Variants in KCNH8 observed in about 807,000 individuals in gnomAD.
KCNH8 encodes voltage-gated delayed rectifier potassium channel KCNH8.
In KCNH8, 70 loss-of-function variants were observed where a neutral mutation model predicts 103.6. The ratio of observed to expected loss-of-function variants is 0.68; its 90% CI spans 0.56 to 0.82. The LOEUF (loss-of-function observed/expected upper bound fraction) is 0.82. Among genes scored for constraint, KCNH8 ranks in the 40% least tolerant of loss-of-function variants. The probability of loss-of-function intolerance (pLI) is 0.00; values close to 1 mark genes in which losing one functional copy is unlikely to be tolerated. For synonymous variants in KCNH8, 498 were observed against 489.4 expected (o/e 1.02, Z -0.23); for missense variants, 1,217 against 1,329.9 (o/e 0.92, Z 1.32).
intron 8 of KCNH8, among the ~76,000 whole-genome samples, chr3:19,443,790 A>G (rs2067319088): frequency 6.6e-6 from 1 of 152,038 alleles, no homozygotes; most frequent in African/African-American, 2.4e-5. Flanking sequence ...GAAATAAAAT[A>G]TAAAAAATGA....
intron 3 of KCNH8, among the ~76,000 whole-genome samples, chr3:19,300,151 A>AG (rs1353056332): frequency 6.6e-6 from 1 of 151,964 alleles, no homozygotes; most frequent in Non-Finnish European, 1.5e-5. Context: ...CGGGAGGCTG[A>AG]GGCAGGAGAA....
At chr3:19,496,651 T>C (rs2068447646) in intron 11 of KCNH8, among the ~76,000 whole-genome samples, 1 of 152,176 alleles carries the variant, frequency 6.6e-6, no homozygotes, top group Non-Finnish European at 1.5e-5. Context: ...CCTGAAGTTT[T>C]CTTTTTTTGT....
At chr3:19,306,939 C>A (rs1659865934) in intron 3 of KCNH8, among the ~76,000 whole-genome samples, 1 of 151,908 alleles carries the variant, frequency 6.6e-6, no homozygotes, top group African/African-American at 2.4e-5. Flanking sequence ...AAGAAGAAAC[C>A]TGGCAGTATT....
intron 12 of KCNH8, among the ~76,000 whole-genome samples, chr3:19,511,574 A>G (rs1425566792): frequency 6.6e-6 from 1 of 152,184 alleles, no homozygotes; most frequent in Non-Finnish European, 1.5e-5. Context: ...CAACGATGCT[A>G]GTATACAAAT....
intron 2 of KCNH8, 97 bp downstream of exon 2, chr3:19,253,984 C>G: frequency 5.2e-6 from 4 of 772,834 alleles, no homozygotes; most frequent in East Asian, 2.6e-5. Flanking sequence ...GGCTTAATGG[C>G]ATTTCACATA....
At chr3:19,288,105 T>A (rs1049919150) in intron 3 of KCNH8, among the ~76,000 whole-genome samples, 2 of 151,098 alleles carry the variant, frequency 1.3e-5, no homozygotes, top group African/African-American at 4.9e-5. Flanking sequence ...ATAGTAAGTG[T>A]CCTTCCCTTA....
chr3:19,299,536 C>T (rs941736157), intron 3 of KCNH8, among the ~76,000 whole-genome samples: 5 of 152,084 alleles, frequency 3.3e-5, no homozygotes, highest in Admixed American at 3.3e-4. Flanking sequence ...ATATAATTTT[C>T]ATTTCCAAAT....
chr3:19,379,058 A>AGT (rs373243299), intron 5 of KCNH8, among the ~76,000 whole-genome samples: 160 of 152,282 alleles, frequency 1.1e-3, no homozygotes, highest in African/African-American at 3.8e-3. Flanking sequence ...GCAGCTTTGG[A>AGT]GTGTGTATTT....
chr3:19,308,896 T>G (rs2065175139), intron 3 of KCNH8, among the ~76,000 whole-genome samples: 1 of 151,314 alleles, frequency 6.6e-6, no homozygotes, highest in African/African-American at 2.4e-5. Context: ...GGATTAAATT[T>G]AATCTGTTTT....
rs2066907317 is a variant in KCNH8, at chr3:19,419,187, TGG to T, written c.1178-18976_1178-18975del. Reference sequence around the variant, plus strand: ...TAGTCACAAAAAGAAGTAATTAAAATGGTTTTGGTTTTTTTTTTTTTTTTTTT... The same window carrying T: ...TAGTCACAAAAAGAAGTAATTAAAATTTTTGGTTTTTTTTTTTTTTTTTTT... On this transcript the variant is annotated intron_variant, in intron 7 of 15. Transcript: ENST00000328405. 6.6e-5 allele frequency among the ~76,000 whole-genome samples: 8 copies of T among 121,222 alleles called. 1 individual carries two copies. The South Asian group carries it at 1.1e-3, about 16-fold the overall frequency. 79.5% of individuals were successfully genotyped at this position (121,222 alleles called of 152,430 possible).
chr3:19,245,367 A>C (rs988757087), intron 1 of KCNH8, among the ~76,000 whole-genome samples: 1 of 152,192 alleles, frequency 6.6e-6, no homozygotes, highest in African/African-American at 2.4e-5. Context: ...ATAGCCTTAT[A>C]GCATACTTTG....
intron 11 of KCNH8, among the ~76,000 whole-genome samples, chr3:19,472,660 C>G (rs2067887392): frequency 6.6e-6 from 1 of 152,086 alleles, no homozygotes; most frequent in Non-Finnish European, 1.5e-5. Context: ...TTTTCAGCAG[C>G]ATGAAAATGG....
chr3:19,463,761 C>A (rs1242652569), intron 11 of KCNH8, among the ~76,000 whole-genome samples: 1 of 151,986 alleles, frequency 6.6e-6, no homozygotes, highest in Non-Finnish European at 1.5e-5. Context: ...ATTTTACATA[C>A]AGGTCTATAA....
chr3:19,523,794 T>C (rs1006606377), intron 15 of KCNH8, among the ~76,000 whole-genome samples: 1 of 151,900 alleles, frequency 6.6e-6, no homozygotes, highest in Non-Finnish European at 1.5e-5. Context: ...TAAAAGCTAT[T>C]AGGAAAATTT....
chr3:19,220,925 T>C (rs1045518238), intron 1 of KCNH8, among the ~76,000 whole-genome samples: 1 of 152,182 alleles, frequency 6.6e-6, no homozygotes, highest in Admixed American at 6.5e-5. Context: ...AAGCCTAAGC[T>C]TTGGGGCCTT....
chr3:19,229,191 A>G (rs542866545), intron 1 of KCNH8, among the ~76,000 whole-genome samples: 79 of 152,326 alleles, frequency 5.2e-4, no homozygotes, highest in African/African-American at 1.8e-3. Flanking sequence ...GATGTAAATG[A>G]TATTGCCACT....
chr3:19,233,046 A>G (rs1475408067), intron 1 of KCNH8, among the ~76,000 whole-genome samples: 3 of 148,196 alleles, frequency 2.0e-5, no homozygotes, highest in African/African-American at 7.6e-5. Flanking sequence ...CTACACCTCA[A>G]TGTCTTGATA....
chr3:19,467,898 G>A (rs1353332707), intron 11 of KCNH8, among the ~76,000 whole-genome samples: 2 of 152,032 alleles, frequency 1.3e-5, no homozygotes, highest in Admixed American at 1.3e-4. Flanking sequence ...TTACACTCCA[G>A]CAAACTGGCC....
intron 2 of KCNH8, among the ~76,000 whole-genome samples, chr3:19,267,710 G>T (rs2064531986): frequency 6.6e-6 from 1 of 152,038 alleles, no homozygotes. Context: ...AAGAGAATCG[G>T]ATAAAGAAAG....
Sources: allele counts gnomAD v4.1 joint callset (sites outside exome capture counted in the v4.1 genomes callset), GRCh38; gene constraint gnomAD v4.1.1; transcripts MANE v1.5; gene names NCBI Gene and HGNC (gene_info 2026-07-23, HGNC 2026-07-21).